CSMD1: variants seen among roughly 807,000 people sequenced by gnomAD.
CSMD1 encodes the protein CUB and sushi domain-containing protein 1.
CSMD1 carries 213 observed loss-of-function variants against 417.5 expected under a neutral mutation model. That is an observed-to-expected ratio of 0.51 (90% CI 0.46 to 0.57). The LOEUF (loss-of-function observed/expected upper bound fraction) is 0.57, where lower values mean the gene tolerates loss of function less well. Among genes scored for constraint, CSMD1 ranks in the 20% least tolerant of loss-of-function variants. The pLI, the probability that CSMD1 is intolerant of heterozygous loss-of-function variation, is 0.00. For missense variants in CSMD1, 6,923 were observed against 4,529.7 expected (o/e 1.53, Z -15.17); for synonymous variants, 2,862 against 1,736.8 (o/e 1.65, Z -16.11).
intron 10 of CSMD1, among the ~76,000 whole-genome samples, chr8:3,571,300 A>T (rs932640228): frequency 7.9e-5 from 12 of 152,164 alleles, no homozygotes; most frequent in Non-Finnish European, 1.5e-4. Context: ...ATGGACTTGG[A>T]TGGACAGTAG....
intron 1 of CSMD1, among the ~76,000 whole-genome samples, chr8:4,899,825 C>T (rs111326166): frequency 6.6e-6 from 1 of 152,122 alleles, no homozygotes; most frequent in Non-Finnish European, 1.5e-5. Flanking sequence ...CACAGTGTAA[C>T]AAATAAGCAG....
intron 49 of CSMD1, among the ~76,000 whole-genome samples, chr8:3,081,353 G>A (rs1361660629): frequency 1.3e-5 from 2 of 151,980 alleles, no homozygotes; most frequent in South Asian, 2.1e-4. Context: ...TCAAATCATT[G>A]AGAAAAAAAT....
At chr8:4,958,508 A>G (rs10503296) in intron 1 of CSMD1, among the ~76,000 whole-genome samples, 40,020 of 152,156 alleles carry the variant, frequency 0.26, 6,498 homozygotes, top group East Asian at 0.41. Flanking sequence ...CAAGCACTCC[A>G]TAGTTCAGCC....
chr8:3,837,457 A>G (rs1490015887), intron 5 of CSMD1, among the ~76,000 whole-genome samples: 1 of 152,146 alleles, frequency 6.6e-6, no homozygotes, highest in Non-Finnish European at 1.5e-5. Flanking sequence ...AAGAGAAGAG[A>G]TGTCCTCCTG....
intron 3 of CSMD1, among the ~76,000 whole-genome samples, chr8:4,035,692 G>C (rs758124633): frequency 6.6e-5 from 10 of 152,302 alleles, no homozygotes; most frequent in East Asian, 1.9e-4. Flanking sequence ...ACTGTGCAAG[G>C]TTTATGTTTT....
At chr8:4,754,863 G>C (rs373224272) in intron 1 of CSMD1, among the ~76,000 whole-genome samples, 3 of 150,966 alleles carry the variant, frequency 2.0e-5, no homozygotes, top group African/African-American at 4.9e-5. Flanking sequence ...AGTCGGATGA[G>C]TGTGGTGGTT....
At chr8:4,944,727 T>C (rs1485960868) in intron 1 of CSMD1, among the ~76,000 whole-genome samples, 1 of 151,682 alleles carries the variant, frequency 6.6e-6, no homozygotes, top group Non-Finnish European at 1.5e-5. Context: ...CGAAAAGAAA[T>C]AAATCAATAA....
intron 5 of CSMD1, among the ~76,000 whole-genome samples, chr8:3,892,295 C>T (rs1807027363): frequency 6.6e-6 from 1 of 152,144 alleles, no homozygotes; most frequent in Admixed American, 6.5e-5. Context: ...ACACATCACT[C>T]AACGCTTAAT....
At chr8:3,963,194 AG>A (rs1490639934) in intron 5 of CSMD1, among the ~76,000 whole-genome samples, 1 of 152,138 alleles carries the variant, frequency 6.6e-6, no homozygotes, top group East Asian at 1.9e-4. Flanking sequence ...GGCCTCCCAA[AG>A]TGCTGGGATC....
At chr8:3,053,571 G>A (rs796647936) in intron 49 of CSMD1, among the ~76,000 whole-genome samples, 4 of 152,146 alleles carry the variant, frequency 2.6e-5, no homozygotes, top group Non-Finnish European at 5.9e-5. Context: ...ATCTAGTGGG[G>A]ATGTGGACCG....
intron 1 of CSMD1, among the ~76,000 whole-genome samples, chr8:4,784,269 C>T (rs1348653479): frequency 6.6e-6 from 1 of 152,172 alleles, no homozygotes; most frequent in Non-Finnish European, 1.5e-5. Context: ...ACAGGCTTTA[C>T]CTTCCTCTAG....
intron 3 of CSMD1, among the ~76,000 whole-genome samples, chr8:4,144,786 G>A (rs34262684): frequency 0.3 from 45,227 of 150,762 alleles, 8,431 homozygotes; most frequent in Non-Finnish European, 0.39. Context: ...GATTTACCAG[G>A]TTGTCAGTAA....
chr8:3,327,871 G>C (rs1442437865), intron 23 of CSMD1, among the ~76,000 whole-genome samples: 1 of 152,006 alleles, frequency 6.6e-6, no homozygotes, highest in African/African-American at 2.4e-5. Context: ...TCCTTCTGTT[G>C]GTCTTCCATG....
rs541715809 is a variant in CSMD1, at chr8:4,990,310, GA to G, written c.85+4021del. Among the ~76,000 whole-genome samples the G allele has an allele frequency of 3.1e-3, 474 of 151,792 alleles. 2 individuals are homozygous for G. Among genetic ancestry groups the G allele is most frequent in the Non-Finnish European group, 3.2e-3 (220 of 67,926 alleles). On this transcript the variant is annotated intron_variant, in intron 1 of 69. Coordinates refer to ENST00000635120, the MANE Select transcript of CSMD1 (RefSeq NM_033225.6). ...TAATAATATCCTGATAATGCAACAG[GA>G]AAAAAACATGATCTGCTCAGCAATA...
intron 1 of CSMD1, among the ~76,000 whole-genome samples, chr8:4,915,343 T>G (rs559057401): frequency 1.3e-5 from 2 of 152,294 alleles, no homozygotes; most frequent in Non-Finnish European, 2.9e-5. Flanking sequence ...AAGCTAACTC[T>G]TGCTAAAGTA....
intron 41 of CSMD1, among the ~76,000 whole-genome samples, chr8:3,140,376 G>C (rs970502779): frequency 1.3e-5 from 2 of 151,380 alleles, no homozygotes; most frequent in East Asian, 1.9e-4. Flanking sequence ...TTTCTCTCTC[G>C]TGCTTCAAGT....
chr8:3,379,916 C>A (rs1810530560), intron 18 of CSMD1, among the ~76,000 whole-genome samples: 1 of 152,030 alleles, frequency 6.6e-6, no homozygotes, highest in Non-Finnish European at 1.5e-5. Flanking sequence ...AATTAAAGAG[C>A]TTCTGCACTG....
chr8:4,364,431 T>C (rs1366365475), intron 3 of CSMD1, among the ~76,000 whole-genome samples: 2 of 152,194 alleles, frequency 1.3e-5, no homozygotes, highest in African/African-American at 4.8e-5. Context: ...AAGATTCATT[T>C]GTTTTTCATG....
chr8:4,335,864 G>C (rs572022023), intron 3 of CSMD1, among the ~76,000 whole-genome samples: 2 of 152,186 alleles, frequency 1.3e-5, no homozygotes, highest in African/African-American at 2.4e-5. Context: ...GGGGAGAACA[G>C]GGGGACGAGA....
Sources: gnomAD v4.1 joint callset for allele counts (sites outside exome capture counted in the v4.1 genomes callset) on GRCh38, gnomAD v4.1.1 for gene constraint, MANE v1.5 for transcripts, NCBI Gene and HGNC (gene_info 2026-07-23, HGNC 2026-07-21) for gene names.